HPSE2: variants seen among roughly 807,000 people sequenced by gnomAD.
HPSE2 encodes the protein heparanase 2 (inactive).
In HPSE2, 38 loss-of-function variants were observed where a neutral mutation model predicts 60.5. The observed-to-expected ratio is 0.63, with a 90% CI of 0.48 to 0.82. The LOEUF is 0.82. Among genes scored for constraint, HPSE2 ranks in the 40% least tolerant of loss-of-function variants. The pLI, the probability that HPSE2 is intolerant of heterozygous loss-of-function variation, is 0.00. For missense variants in HPSE2, 713 were observed against 740.4 expected, an observed-to-expected ratio of 0.96 and a Z score of 0.43; for synonymous variants, 295 against 293.2, an observed-to-expected ratio of 1.01 and a Z score of -0.06.
At chr10:98,472,932 A>G (rs1485730134) in intron 11 of HPSE2, among the ~76,000 whole-genome samples, 2 of 152,254 alleles carry the variant, frequency 1.3e-5, no homozygotes, top group Non-Finnish European at 2.9e-5. Context: ...TTAATAAAAC[A>G]GACTAATACC....
At chr10:99,280,075 T>C in the HPSE2 span, among the ~76,000 whole-genome samples, 1 of 152,196 alleles carries the variant, frequency 6.6e-6, no homozygotes, top group African/African-American at 2.4e-5. Context: ...GGCTTTGCCA[T>C]TAACTGTTGT....
chr10:99,140,359 T>C (rs1208469696), intron 3 of HPSE2, among the ~76,000 whole-genome samples: 1 of 152,188 alleles, frequency 6.6e-6, no homozygotes, highest in Non-Finnish European at 1.5e-5. Context: ...AGAAAGTGTC[T>C]TGTGTAATGC....
chr10:98,498,445 G>C (rs946111751), intron 9 of HPSE2, among the ~76,000 whole-genome samples: 2 of 152,132 alleles, frequency 1.3e-5, no homozygotes, highest in Non-Finnish European at 2.9e-5. Flanking sequence ...GGAAAAGGAG[G>C]AGAGTACTAC....
At chr10:98,816,347 G>A (rs1225871800) in intron 3 of HPSE2, among the ~76,000 whole-genome samples, 4 of 152,130 alleles carry the variant, frequency 2.6e-5, no homozygotes, top group Non-Finnish European at 4.4e-5. Context: ...TTCTGGGAGT[G>A]TGGGCTGCAA....
intron 3 of HPSE2, among the ~76,000 whole-genome samples, chr10:98,785,741 G>A (rs1322926978): frequency 3.4e-5 from 4 of 116,058 alleles, no homozygotes; most frequent in Admixed American, 9.0e-5. Context: ...AGAGGTGTTT[G>A]TAGTATTCTC....
intron 2 of HPSE2, among the ~76,000 whole-genome samples, chr10:99,195,801 T>G (rs1432109385): frequency 6.6e-6 from 1 of 151,906 alleles, no homozygotes. Flanking sequence ...ATCTACAGAT[T>G]CAATGCAATC....
At chr10:99,249,465 T>A in the HPSE2 span, among the ~76,000 whole-genome samples, 1 of 152,264 alleles carries the variant, frequency 6.6e-6, no homozygotes, top group African/African-American at 2.4e-5. Context: ...TGGGTGTATT[T>A]ACCCAGTGTC....
At chr10:98,823,576 T>C (rs1037874438) in intron 3 of HPSE2, among the ~76,000 whole-genome samples, 1 of 152,184 alleles carries the variant, frequency 6.6e-6, no homozygotes, top group Non-Finnish European at 1.5e-5. Context: ...CAGTGAGCTA[T>C]GATCATGCCA....
chr10:98,746,609 T>C (rs544117842), intron 3 of HPSE2, among the ~76,000 whole-genome samples: 2 of 152,150 alleles, frequency 1.3e-5, no homozygotes, highest in South Asian at 4.1e-4. Flanking sequence ...AATGATGAAA[T>C]TAATTTCAAG....
At chr10:98,833,410 A>C (rs1160680156) in intron 3 of HPSE2, among the ~76,000 whole-genome samples, 1 of 152,190 alleles carries the variant, frequency 6.6e-6, no homozygotes, top group African/African-American at 2.4e-5. Flanking sequence ...ATACCTTTTA[A>C]GGAATAACCA....
chr10:98,713,064 G>A (rs1948712144), intron 5 of HPSE2, among the ~76,000 whole-genome samples: 1 of 151,982 alleles, frequency 6.6e-6, no homozygotes, highest in African/African-American at 2.4e-5. Context: ...GCACTCTGAT[G>A]GATGAGAAGA....
chr10:99,171,435 G>GA (rs1039658243), intron 2 of HPSE2, among the ~76,000 whole-genome samples: 8 of 150,736 alleles, frequency 5.3e-5, no homozygotes, highest in African/African-American at 1.2e-4. Context: ...TTAGATGTGG[G>GA]AAAAAAAAAG....
chr10:98,527,490 G>A (rs1244434141), intron 9 of HPSE2, among the ~76,000 whole-genome samples: 1 of 152,026 alleles, frequency 6.6e-6, no homozygotes, highest in Non-Finnish European at 1.5e-5. Context: ...TGCGCAAGAC[G>A]GTGCTTCCTC....
At chr10:99,052,489 G>C (rs1391114144) in intron 3 of HPSE2, among the ~76,000 whole-genome samples, 1 of 151,704 alleles carries the variant, frequency 6.6e-6, no homozygotes, top group Non-Finnish European at 1.5e-5. Flanking sequence ...GTATGAAATT[G>C]TGGGGGGAAA....
chr10:98,587,321 A>G (rs1000307808), intron 9 of HPSE2, among the ~76,000 whole-genome samples: 1 of 152,150 alleles, frequency 6.6e-6, no homozygotes, highest in African/African-American at 2.4e-5. Context: ...CTCTGTCCAA[A>G]GCTCTGTGAG....
chr10:98,605,492 A>G (rs1427993381), intron 9 of HPSE2, among the ~76,000 whole-genome samples: 1 of 152,220 alleles, frequency 6.6e-6, no homozygotes, highest in Non-Finnish European at 1.5e-5. Flanking sequence ...AAAAAACGGA[A>G]TAGTATAATA....
chr10:99,181,177 T>A (rs1175950431), intron 2 of HPSE2, among the ~76,000 whole-genome samples: 1 of 150,906 alleles, frequency 6.6e-6, no homozygotes, highest in Non-Finnish European at 1.5e-5. Context: ...GGCGGGCGGA[T>A]CACGAGGTCA....
At chr10:98,515,094 T>A (rs1942556925) in intron 9 of HPSE2, among the ~76,000 whole-genome samples, 1 of 152,158 alleles carries the variant, frequency 6.6e-6, no homozygotes, top group South Asian at 2.1e-4. Flanking sequence ...TCGCTGGACT[T>A]TCTCTCCAGG....
chr10:98,872,204 A>G (rs1204653203), intron 3 of HPSE2, among the ~76,000 whole-genome samples: 1 of 152,088 alleles, frequency 6.6e-6, no homozygotes, highest in East Asian at 1.9e-4. Context: ...CCCCTCACTA[A>G]GAAATGGAAT....
Sources: gnomAD v4.1 joint callset for allele counts (sites outside exome capture counted in the v4.1 genomes callset) on GRCh38, gnomAD v4.1.1 for gene constraint, MANE v1.5 for transcripts, NCBI Gene and HGNC (gene_info 2026-07-23, HGNC 2026-07-21) for gene names.